The following NKAIN3 variants were observed in gnomAD, a reference collection of about 807,000 sequenced individuals.
The protein encoded by NKAIN3 is sodium/potassium-transporting ATPase subunit beta-1-interacting protein 3.
A neutral mutation model predicts 30.2 loss-of-function variants in NKAIN3; 25 were observed. That is an observed-to-expected ratio of 0.83 (90% CI 0.60 to 1.16). The LOEUF is 1.16. Among genes scored for constraint, NKAIN3 ranks in the 50% most tolerant of loss-of-function variants. The pLI, the probability that NKAIN3 is intolerant of heterozygous loss-of-function variation, is 0.00. For synonymous variants in NKAIN3, 91 were observed against 89.6 expected (o/e 1.02, Z -0.09); for missense variants, 225 against 254.1 (o/e 0.89, Z 0.78).
intron 1 of NKAIN3, among the ~76,000 whole-genome samples, chr8:62,411,859 G>A (rs1466658853): frequency 6.6e-6 from 1 of 152,108 alleles, no homozygotes; most frequent in Non-Finnish European, 1.5e-5. Flanking sequence ...AAGGGGTGAA[G>A]TATTTCTACA....
intron 4 of NKAIN3, among the ~76,000 whole-genome samples, chr8:62,913,688 T>C (rs1461232549): frequency 6.6e-6 from 1 of 152,156 alleles, no homozygotes; most frequent in African/African-American, 2.4e-5. Flanking sequence ...ATAAAACTAA[T>C]TATGGACACA....
chr8:62,838,836 G>A (rs1399734294), intron 4 of NKAIN3, among the ~76,000 whole-genome samples: 1 of 152,012 alleles, frequency 6.6e-6, no homozygotes, highest in Non-Finnish European at 1.5e-5. Flanking sequence ...TTTGTTTCTG[G>A]GGGATCACCA....
intron 1 of NKAIN3, among the ~76,000 whole-genome samples, chr8:62,574,196 A>G (rs1397722712): frequency 6.6e-6 from 1 of 152,138 alleles, no homozygotes; most frequent in African/African-American, 2.4e-5. Flanking sequence ...TGCTCTGGCA[A>G]ATGACAGGAT....
chr8:62,343,253 G>T (rs1008931089), intron 1 of NKAIN3, among the ~76,000 whole-genome samples: 1 of 151,892 alleles, frequency 6.6e-6, no homozygotes. Context: ...CAAAATGGGG[G>T]TAATAATAGT....
chr8:62,334,197 A>C (rs1478001841), intron 1 of NKAIN3, among the ~76,000 whole-genome samples: 5 of 151,864 alleles, frequency 3.3e-5, no homozygotes, highest in Non-Finnish European at 7.4e-5. Flanking sequence ...GGCTGCAGGA[A>C]CAAGGTCCAC....
chr8:62,564,448 C>A (rs529336209), intron 1 of NKAIN3, among the ~76,000 whole-genome samples: 10 of 152,266 alleles, frequency 6.6e-5, no homozygotes, highest in African/African-American at 2.4e-4. Flanking sequence ...TATGAAACTT[C>A]TTTAAGCAAG....
At chr8:62,555,186 A>C (rs1222191236) in intron 1 of NKAIN3, among the ~76,000 whole-genome samples, 2 of 152,080 alleles carry the variant, frequency 1.3e-5, no homozygotes, top group African/African-American at 2.4e-5. Flanking sequence ...CCCAAAGATA[A>C]AATTTCAAAG....
intron 1 of NKAIN3, among the ~76,000 whole-genome samples, chr8:62,542,596 A>G (rs1308469156): frequency 1.3e-5 from 2 of 152,180 alleles, no homozygotes; most frequent in Non-Finnish European, 2.9e-5. Flanking sequence ...GAGTTCCTCT[A>G]TCCCAAGTCC....
At chr8:62,412,012 TA>T (rs765401522) in intron 1 of NKAIN3, among the ~76,000 whole-genome samples, 5 of 152,038 alleles carry the variant, frequency 3.3e-5, no homozygotes, top group African/African-American at 4.8e-5. Flanking sequence ...ATGCTATTAC[TA>T]AAAAACTACC....
chr8:62,801,927 A>T (rs1054169678), intron 4 of NKAIN3, among the ~76,000 whole-genome samples: 5 of 152,170 alleles, frequency 3.3e-5, no homozygotes, highest in African/African-American at 1.2e-4. Context: ...TGCTTAAAGG[A>T]GCTGATGGAG....
chr8:62,848,398 T>C (rs1672558450), intron 4 of NKAIN3, among the ~76,000 whole-genome samples: 1 of 152,180 alleles, frequency 6.6e-6, no homozygotes, highest in Admixed American at 6.6e-5. Flanking sequence ...TCTTGTTAGC[T>C]GTTTTCCTAG....
At chr8:62,911,629 T>C (rs1821928467) in intron 4 of NKAIN3, among the ~76,000 whole-genome samples, 1 of 152,072 alleles carries the variant, frequency 6.6e-6, no homozygotes, top group African/African-American at 2.4e-5. Flanking sequence ...TCTGCCTGGC[T>C]GCTGCTTGGT....
intron 6 of NKAIN3, among the ~76,000 whole-genome samples, chr8:62,956,784 A>T (rs1796659417): frequency 6.6e-6 from 1 of 152,226 alleles, no homozygotes; most frequent in South Asian, 2.1e-4. Context: ...GATAAATGAT[A>T]CTTGAGATTT....
chr8:62,836,740 T>C (rs2130753308), intron 4 of NKAIN3, among the ~76,000 whole-genome samples: 1 of 152,216 alleles, frequency 6.6e-6, no homozygotes, highest in East Asian at 1.9e-4. Context: ...TTGGCTCCAA[T>C]GCTCTCAATA....
At chr8:62,687,417 A>G (rs2130433319) in intron 3 of NKAIN3, among the ~76,000 whole-genome samples, 1 of 152,294 alleles carries the variant, frequency 6.6e-6, no homozygotes, top group African/African-American at 2.4e-5. Flanking sequence ...TGAGGAGCCA[A>G]GTTGCCTGAG....
intron 5 of NKAIN3, among the ~76,000 whole-genome samples, chr8:62,992,251 A>G (rs1824336850): frequency 6.6e-6 from 1 of 151,814 alleles, no homozygotes; most frequent in South Asian, 2.1e-4. Context: ...ACCTCAAGTG[A>G]TCCACCCGCC....
rs1419481989 is a variant in NKAIN3 at position 62,980,042 on chromosome 8, G to A, written c.*14635G>A. 1 of 152,180 alleles carries A rather than the reference G, an allele frequency of 6.6e-6. No individual in the cohort carries two copies. Among genetic ancestry groups the A allele is most frequent in the Non-Finnish European group, 1.5e-5 (1 of 68,046 alleles). The allele number at this position is 152,180 out of a possible 1,614,324, so 9.4% of individuals were successfully genotyped here. ...GGCAAATAGGAAATCCTAGACCTCA[G>A]ATCACTGTTCTTTGCTTCCCAAAAG... On this transcript the variant is annotated 3_prime_UTR_variant, in exon 7 of 7. Transcript: ENST00000623646.
chr8:62,325,335 T>C (rs1164614667), intron 1 of NKAIN3, among the ~76,000 whole-genome samples: 1 of 152,180 alleles, frequency 6.6e-6, no homozygotes, highest in Non-Finnish European at 1.5e-5. Flanking sequence ...AGCTGAGTGG[T>C]ATTCCATGGT....
intron 1 of NKAIN3, among the ~76,000 whole-genome samples, chr8:62,257,202 G>A (rs1812289972): frequency 6.6e-6 from 1 of 152,072 alleles, no homozygotes; most frequent in Non-Finnish European, 1.5e-5. Context: ...GAGTCCTTAT[G>A]TTTGTAACCC....
Sources: allele counts gnomAD v4.1 joint callset (sites outside exome capture counted in the v4.1 genomes callset), GRCh38; gene constraint gnomAD v4.1.1; transcripts MANE v1.5; gene names NCBI Gene and HGNC (gene_info 2026-07-23, HGNC 2026-07-21).